The following LRP1B variants were observed in gnomAD, a reference collection of about 807,000 sequenced individuals.
LRP1B encodes LDL receptor related protein 1B.
In LRP1B, 217 loss-of-function variants were observed where a neutral mutation model predicts 556.6. The observed-to-expected ratio is 0.39, with a 90% CI of 0.35 to 0.44. The LOEUF (loss-of-function observed/expected upper bound fraction) is 0.44, where lower values mean the gene tolerates loss of function less well. LRP1B is among the 20% of genes least tolerant of loss of function. The pLI is 1.00. For missense variants in LRP1B, 5,053 were observed against 5,620.8 expected, an observed-to-expected ratio of 0.90 and a Z score of 3.23; for synonymous variants, 2,047 against 1,865.8, an observed-to-expected ratio of 1.10 and a Z score of -2.50.
intron 31 of LRP1B, among the ~76,000 whole-genome samples, chr2:140,815,208 A>C (rs1440548767): frequency 6.6e-6 from 1 of 152,150 alleles, no homozygotes; most frequent in Non-Finnish European, 1.5e-5. Context: ...ATTCAAGTGC[A>C]CTGAGAAAAG....
At chr2:140,604,627 T>C (rs369903616) in intron 41 of LRP1B, among the ~76,000 whole-genome samples, 4 of 152,116 alleles carry the variant, frequency 2.6e-5, no homozygotes, top group Admixed American at 2.6e-4. Context: ...GTATTATTCA[T>C]AGGGAGTCAC....
chr2:140,961,368 A>C (rs191680735), intron 18 of LRP1B, among the ~76,000 whole-genome samples: 6 of 152,042 alleles, frequency 3.9e-5, no homozygotes, highest in Admixed American at 3.3e-4. Context: ...TAGGTCACAA[A>C]GCAGTCGCAA....
intron 3 of LRP1B, among the ~76,000 whole-genome samples, chr2:141,309,513 A>G (rs186842008): frequency 5.6e-4 from 85 of 152,352 alleles, no homozygotes; most frequent in Admixed American, 5.2e-3. Flanking sequence ...TTCCACTCTC[A>G]TGAATGGGAT....
intron 3 of LRP1B, among the ~76,000 whole-genome samples, chr2:141,267,713 A>G (rs1684941587): frequency 6.6e-6 from 1 of 152,188 alleles, no homozygotes; most frequent in Non-Finnish European, 1.5e-5. Flanking sequence ...TGCCAGTAGA[A>G]ACTGTGTATA....
intron 3 of LRP1B, among the ~76,000 whole-genome samples, chr2:141,436,052 G>A (rs1680753268): frequency 2.0e-5 from 3 of 152,154 alleles, no homozygotes; most frequent in Admixed American, 2.0e-4. Flanking sequence ...GGGTCACAGT[G>A]TAAATGCCAC....
intron 1 of LRP1B, among the ~76,000 whole-genome samples, chr2:142,087,480 G>C (rs1327905901): frequency 6.6e-6 from 1 of 151,352 alleles, no homozygotes; most frequent in Middle Eastern, 3.2e-3. Flanking sequence ...GAAATTATAA[G>C]AACAAAACTC....
At chr2:141,744,169 G>T (rs1275659876) in intron 2 of LRP1B, among the ~76,000 whole-genome samples, 3 of 151,916 alleles carry the variant, frequency 2.0e-5, no homozygotes, top group Non-Finnish European at 4.4e-5. Context: ...GTATCCCATA[G>T]ATTTTAGTAT....
intron 3 of LRP1B, among the ~76,000 whole-genome samples, chr2:141,447,658 ACAGCCAGGCCC>A (rs1681247015): frequency 1.3e-5 from 2 of 152,008 alleles, no homozygotes; most frequent in African/African-American, 4.8e-5. Context: ...TTTCCTTCTA[ACAGCCAGGCCC>A]CTCTGCTGCA....
At chr2:141,351,324 T>C (rs1688435921) in intron 3 of LRP1B, among the ~76,000 whole-genome samples, 1 of 152,080 alleles carries the variant, frequency 6.6e-6, no homozygotes, top group Non-Finnish European at 1.5e-5. Context: ...CTAGAATGTA[T>C]TATTGTATGA....
intron 59 of LRP1B, among the ~76,000 whole-genome samples, chr2:140,480,567 A>T (rs1418794280): frequency 1.3e-5 from 2 of 151,260 alleles, no homozygotes; most frequent in African/African-American, 4.9e-5. Flanking sequence ...CAGCCTCCTG[A>T]GTAGCTGGGA....
chr2:140,532,940 A>ATCTATATCTATATCTATATC (rs1553482110), intron 47 of LRP1B, among the ~76,000 whole-genome samples: 9,714 of 122,176 alleles, frequency 0.08, 580 homozygotes, highest in East Asian at 0.25. Context: ...ATATATATAT[A>ATCTATATCTATATCTATATC]TATATATACA....
At chr2:141,629,378 AAT>A (rs1352744070) in intron 2 of LRP1B, among the ~76,000 whole-genome samples, 1 of 152,106 alleles carries the variant, frequency 6.6e-6, no homozygotes, top group Non-Finnish European at 1.5e-5. Flanking sequence ...CCCTACACTA[AAT>A]TAGTTGTGTG....
chr2:141,921,326 C>G (rs940690495), intron 1 of LRP1B, among the ~76,000 whole-genome samples: 12 of 151,924 alleles, frequency 7.9e-5, no homozygotes, highest in African/African-American at 2.7e-4. Flanking sequence ...AATCAGCTTT[C>G]TGGTAAAACT....
chr2:141,361,254 C>G (rs574068831), intron 3 of LRP1B, among the ~76,000 whole-genome samples: 2 of 152,210 alleles, frequency 1.3e-5, no homozygotes, highest in East Asian at 3.9e-4. Context: ...AGTTAATACC[C>G]TTCCCATATT....
At chr2:140,943,836 A>G (rs75526305) in intron 20 of LRP1B, among the ~76,000 whole-genome samples, 5,941 of 152,118 alleles carry the variant, frequency 0.039, 161 homozygotes, top group South Asian at 0.096. Flanking sequence ...TCTCAAATTA[A>G]CAATCTAATA....
At chr2:140,912,447 C>T (rs548108657) in intron 21 of LRP1B, among the ~76,000 whole-genome samples, 2 of 151,348 alleles carry the variant, frequency 1.3e-5, no homozygotes, top group Non-Finnish European at 3.0e-5. Flanking sequence ...TTATAACTAT[C>T]CAATAGATAG....
chr2:140,487,118 A>C (rs936297897), intron 58 of LRP1B, among the ~76,000 whole-genome samples: 2 of 151,924 alleles, frequency 1.3e-5, no homozygotes, highest in Admixed American at 1.3e-4. Flanking sequence ...TACACATGAC[A>C]GAACTGTGAC....
chr2:140,811,376 A>C (rs943483055), intron 32 of LRP1B, among the ~76,000 whole-genome samples: 2 of 152,112 alleles, frequency 1.3e-5, no homozygotes, highest in Non-Finnish European at 2.9e-5. Context: ...TTCATTTTCT[A>C]CTCAAAACAC....
intron 41 of LRP1B, among the ~76,000 whole-genome samples, chr2:140,628,188 G>A (rs1326553409): frequency 6.6e-5 from 10 of 152,098 alleles, no homozygotes; most frequent in Non-Finnish European, 7.4e-5. Flanking sequence ...GAGAGACAGA[G>A]AAAGAGAACA....
Sources: allele counts gnomAD v4.1 joint callset (sites outside exome capture counted in the v4.1 genomes callset), GRCh38; gene constraint gnomAD v4.1.1; transcripts MANE v1.5; gene names NCBI Gene and HGNC (gene_info 2026-07-23, HGNC 2026-07-21).